Variants in IQGAP2 observed in about 807,000 individuals in gnomAD.
The protein encoded by IQGAP2 is IQ motif containing GTPase activating protein 2.
A neutral mutation model predicts 201.3 loss-of-function variants in IQGAP2; 173 were observed. The ratio of observed to expected loss-of-function variants is 0.86; its 90% CI spans 0.76 to 0.98. The LOEUF is 0.98. Ranked by LOEUF, IQGAP2 falls within the 50% of genes least tolerant of loss-of-function variation. The probability of loss-of-function intolerance (pLI) is 0.00; values close to 1 mark genes in which losing one functional copy is unlikely to be tolerated. For synonymous variants in IQGAP2, 675 were observed against 673.9 expected (o/e 1.00, Z -0.03); for missense variants, 1,687 against 1,864.8 (o/e 0.90, Z 1.76).
intron 15 of IQGAP2, among the ~76,000 whole-genome samples, chr5:76,636,333 G>A (rs1245549581): frequency 1.3e-5 from 2 of 152,108 alleles, no homozygotes; most frequent in African/African-American, 4.8e-5. Flanking sequence ...TTTAGCCCAT[G>A]GATTCATGAG....
chr5:76,580,164 T>C (rs1745742827), intron 5 of IQGAP2, among the ~76,000 whole-genome samples: 1 of 151,866 alleles, frequency 6.6e-6, no homozygotes, highest in African/African-American at 2.4e-5. Context: ...TAATCACAGC[T>C]ACTCGGGAGG....
intron 2 of IQGAP2, among the ~76,000 whole-genome samples, chr5:76,519,421 G>A (rs1445428196): frequency 6.6e-6 from 1 of 152,192 alleles, no homozygotes. Flanking sequence ...TTGCCTTGGA[G>A]AGAGATACCA....
intron 17 of IQGAP2, among the ~76,000 whole-genome samples, chr5:76,645,017 A>G (rs773968879): frequency 1.3e-5 from 2 of 151,652 alleles, no homozygotes; most frequent in African/African-American, 2.4e-5. Flanking sequence ...ACCCCCTGAC[A>G]AGCCCCAGTG....
In IQGAP2 at chr5:76,474,975, G is replaced by A. The variant is rs561224676; in HGVS notation, c.146+13306G>A. Among the ~76,000 whole-genome samples, 9 of 152,302 alleles carry A rather than the reference G, an allele frequency of 5.9e-5. No homozygotes were observed. The South Asian group carries it at 1.9e-3, about 32-fold the overall frequency. On this transcript the variant is annotated intron_variant, in intron 2 of 35. Coordinates refer to ENST00000274364, the MANE Select transcript of IQGAP2 (RefSeq NM_006633.5). The stretch of plus-strand genomic sequence containing the variant: ...GATCCACCCACCTCAGCCTCCCAAA[G>A]TGCTGGGATTACAGGCATAAGCCAC...
At chr5:76,556,373 C>T (rs913280905) in intron 2 of IQGAP2, among the ~76,000 whole-genome samples, 2 of 152,174 alleles carry the variant, frequency 1.3e-5, no homozygotes, top group African/African-American at 4.8e-5. Flanking sequence ...TTGAACATGT[C>T]TACTCCTTAG....
At chr5:76,518,151 G>A (rs1040071948) in intron 2 of IQGAP2, among the ~76,000 whole-genome samples, 22 of 152,112 alleles carry the variant, frequency 1.4e-4, no homozygotes, top group Admixed American at 6.6e-4. Flanking sequence ...TAGTAGAGAC[G>A]GGGTTTCACC....
chr5:76,481,253 C>G (rs1755775928), intron 2 of IQGAP2, among the ~76,000 whole-genome samples: 1 of 151,940 alleles, frequency 6.6e-6, no homozygotes, highest in Non-Finnish European at 1.5e-5. Flanking sequence ...TAACAGGAGC[C>G]ACATGTATAA....
intron 2 of IQGAP2, among the ~76,000 whole-genome samples, chr5:76,552,257 C>T (rs1032896369): frequency 1.3e-5 from 2 of 152,214 alleles, no homozygotes; most frequent in Non-Finnish European, 2.9e-5. Flanking sequence ...AGAACCCCGT[C>T]TCTATTCCTG....
Position 76,665,195 on chromosome 5 carries a change from C to T in IQGAP2, c.2679+20C>T, listed in dbSNP as rs1446996761. 6 of 1,605,834 alleles carry T rather than the reference C, an allele frequency of 3.7e-6. No individual in the cohort carries two copies. Among genetic ancestry groups the T allele is most frequent in the Non-Finnish European group, 5.1e-6 (6 of 1,175,318 alleles). ...TTACAGGTGAGAACAATTTATCGTTCACTCTGAGTTTGGGAGTAATACTAT... is the reference window on the plus strand; with the variant it reads ...TTACAGGTGAGAACAATTTATCGTTTACTCTGAGTTTGGGAGTAATACTAT... On this transcript the variant is annotated intron_variant, in intron 22 of 35. Transcript: ENST00000274364.
At chr5:76,532,507 A>G (rs1253629686) in intron 2 of IQGAP2, among the ~76,000 whole-genome samples, 1 of 152,072 alleles carries the variant, frequency 6.6e-6, no homozygotes, top group African/African-American at 2.4e-5. Flanking sequence ...AAGGTGATAG[A>G]AAACCCTTTG....
chr5:76,436,475 T>TTA (rs1561369887), intron 1 of IQGAP2, among the ~76,000 whole-genome samples: 2 of 70,118 alleles, frequency 2.9e-5, no homozygotes, highest in East Asian at 8.2e-4. Flanking sequence ...ATTGAGATGA[T>TTA]CATATATATA....
chr5:76,592,413 C>G (rs1746723248), intron 8 of IQGAP2, among the ~76,000 whole-genome samples: 1 of 152,100 alleles, frequency 6.6e-6, no homozygotes, highest in Non-Finnish European at 1.5e-5. Flanking sequence ...AATTTTCTTC[C>G]CAACTAAGTA....
intron 2 of IQGAP2, among the ~76,000 whole-genome samples, chr5:76,558,981 A>G (rs1015869252): frequency 6.6e-6 from 1 of 151,960 alleles, no homozygotes; most frequent in Non-Finnish European, 1.5e-5. Flanking sequence ...GCTCACTGCA[A>G]GCTCCACCTC....
At chr5:76,541,197 C>T (rs1222863931) in intron 2 of IQGAP2, among the ~76,000 whole-genome samples, 1 of 151,578 alleles carries the variant, frequency 6.6e-6, no homozygotes, top group African/African-American at 2.4e-5. Flanking sequence ...TCCCCCTCCT[C>T]CTAGCCCCCT....
chr5:76,685,694 C>CT (rs1561591711), intron 30 of IQGAP2, among the ~76,000 whole-genome samples: 1 of 124,122 alleles, frequency 8.1e-6, no homozygotes, highest in East Asian at 2.0e-4. Context: ...GGCTCTCCCC[C>CT]GTCCCCCCCA....
chr5:76,683,187 G>A lies in IQGAP2; in HGVS notation c.3733G>A (p.Gly1245Arg). Residue 1245 changes from glycine to arginine, a missense_variant, in exon 29 of 36, where the codon GGA (glycine) becomes AGA (arginine). Transcript: ENST00000274364. ...ACTGAGTGAATTGCTGGGGTCGCTG[G>A]GAGAGGTGCCAACCGTGGAATCTTT... is the stretch of plus-strand genomic sequence containing the variant. ...DLLSELLGSLGEVPTVESFLG... is the reference protein window; with the variant it reads ...DLLSELLGSLREVPTVESFLG... 1 of 1,612,146 alleles carries A rather than the reference G, an allele frequency of 6.2e-7. No homozygotes were observed.
intron 27 of IQGAP2, among the ~76,000 whole-genome samples, chr5:76,676,570 C>T (rs1316714630): frequency 5.3e-5 from 8 of 152,260 alleles, no homozygotes; most frequent in Non-Finnish European, 1.2e-4. Flanking sequence ...ACTGTGATCA[C>T]AGCATGCCTC....
At chr5:76,557,388 C>G (rs1389492399) in intron 2 of IQGAP2, among the ~76,000 whole-genome samples, 1 of 152,124 alleles carries the variant, frequency 6.6e-6, no homozygotes, top group Non-Finnish European at 1.5e-5. Context: ...CCATGATAAT[C>G]CCCATAAAGT....
At chr5:76,534,274 C>T (rs538708719) in intron 2 of IQGAP2, among the ~76,000 whole-genome samples, 15 of 152,140 alleles carry the variant, frequency 9.9e-5, no homozygotes, top group Non-Finnish European at 1.9e-4. Context: ...GGGAGAATGA[C>T]AGATAATTGC....
Sources: gnomAD v4.1 joint callset for allele counts (sites outside exome capture counted in the v4.1 genomes callset) on GRCh38, gnomAD v4.1.1 for gene constraint, MANE v1.5 for transcripts, NCBI Gene and HGNC (gene_info 2026-07-23, HGNC 2026-07-21) for gene names.